Variants in ARSB observed in about 807,000 individuals in gnomAD.
ARSB encodes the protein N-acetylgalactosamine-4-sulfatase.
A neutral mutation model predicts 50.9 loss-of-function variants in ARSB; 41 were observed. The ratio of observed to expected loss-of-function variants is 0.81; its 90% CI spans 0.63 to 1.04. The LOEUF (loss-of-function observed/expected upper bound fraction) is 1.04, where lower values mean the gene tolerates loss of function less well. Ranked by LOEUF, ARSB falls within the 50% of genes least tolerant of loss-of-function variation. The probability of loss-of-function intolerance (pLI) is 0.00; values close to 1 mark genes in which losing one functional copy is unlikely to be tolerated. For missense variants in ARSB, 672 were observed against 693.3 expected, an observed-to-expected ratio of 0.97 and a Z score of 0.35; for synonymous variants, 269 against 284.8, an observed-to-expected ratio of 0.94 and a Z score of 0.56.
chr5:78,927,254 G>A (rs1750097795), intron 4 of ARSB, among the ~76,000 whole-genome samples: 1 of 152,028 alleles, frequency 6.6e-6, no homozygotes, highest in African/African-American at 2.4e-5. Context: ...AAATTATGGA[G>A]GTATTATTTT....
chr5:78,870,851 A>G (rs999583063), intron 5 of ARSB, among the ~76,000 whole-genome samples: 11 of 152,128 alleles, frequency 7.2e-5, no homozygotes, highest in African/African-American at 2.7e-4. Context: ...AGGGTATTCA[A>G]TTAGGAAAAG....
intron 6 of ARSB, chr5:78,815,898 G>C: frequency 6.9e-7 from 1 of 1,451,118 alleles, no homozygotes; most frequent in South Asian, 1.4e-5. Context: ...ATCTAAGTAA[G>C]ACAGCCTCCT....
At chr5:78,820,419 G>A (rs1310704619) in intron 6 of ARSB, among the ~76,000 whole-genome samples, 1 of 152,064 alleles carries the variant, frequency 6.6e-6, no homozygotes, top group South Asian at 2.1e-4. Flanking sequence ...AAATTAGCTG[G>A]GTGTGGTGGT....
chr5:78,901,588 T>C (rs1283230700), intron 4 of ARSB, among the ~76,000 whole-genome samples: 1 of 132,824 alleles, frequency 7.5e-6, no homozygotes, highest in Non-Finnish European at 1.7e-5. Flanking sequence ...TATTCTGATA[T>C]CTACGTTAAA....
chr5:78,943,263 G>A (rs2112443225), intron 4 of ARSB, among the ~76,000 whole-genome samples: 1 of 152,276 alleles, frequency 6.6e-6, no homozygotes, highest in Middle Eastern at 3.4e-3. Flanking sequence ...TTTAATTGGA[G>A]CATTTAGCCC....
chr5:78,787,375 TG>T (rs112099799), intron 6 of ARSB, among the ~76,000 whole-genome samples: 14,211 of 152,260 alleles, frequency 0.093, 720 homozygotes, highest in Middle Eastern at 0.2. Context: ...CCGCACTGGG[TG>T]TTTTCACTAT....
intron 4 of ARSB, among the ~76,000 whole-genome samples, chr5:78,895,273 T>C (rs1391480148): frequency 6.6e-6 from 1 of 152,200 alleles, no homozygotes; most frequent in African/African-American, 2.4e-5. Flanking sequence ...AGAAGAAAAG[T>C]ATAAATTGTA....
intron 5 of ARSB, among the ~76,000 whole-genome samples, chr5:78,853,865 G>T (rs766272245): frequency 3.4e-4 from 52 of 152,368 alleles, no homozygotes; most frequent in African/African-American, 5.3e-4. Flanking sequence ...CTCTGAGCCA[G>T]GTGCGGGATA....
chr5:78,915,006 C>A (rs556221042), intron 4 of ARSB, among the ~76,000 whole-genome samples: 63 of 152,300 alleles, frequency 4.1e-4, no homozygotes, highest in African/African-American at 1.5e-3. Context: ...TATTATTTTT[C>A]TAGTAATTTG....
chr5:78,984,204 C>T (rs1176089275), intron 1 of ARSB, among the ~76,000 whole-genome samples: 1 of 152,148 alleles, frequency 6.6e-6, no homozygotes, highest in Non-Finnish European at 1.5e-5. Flanking sequence ...TGCACTGTTT[C>T]AATAATTCAC....
chr5:78,962,921 G>A (rs1423666473), intron 3 of ARSB, among the ~76,000 whole-genome samples: 2 of 152,116 alleles, frequency 1.3e-5, no homozygotes, highest in East Asian at 1.9e-4. Context: ...AAACTGGAAG[G>A]GGAACCAGCA....
chr5:78,820,553 T>C (rs957768155), intron 6 of ARSB, among the ~76,000 whole-genome samples: 8 of 150,754 alleles, frequency 5.3e-5, no homozygotes, highest in Non-Finnish European at 1.5e-5. Flanking sequence ...AGAGCAAGAC[T>C]CCAACTCAAA....
At chr5:78,957,994 C>G (rs547674761) in intron 3 of ARSB, among the ~76,000 whole-genome samples, 1 of 146,084 alleles carries the variant, frequency 6.8e-6, no homozygotes, top group Non-Finnish European at 1.5e-5. Flanking sequence ...TCACATCGAT[C>G]TGTTTTTATA....
chr5:78,934,308 T>C (rs559549753), intron 4 of ARSB, among the ~76,000 whole-genome samples: 1 of 152,338 alleles, frequency 6.6e-6, no homozygotes, highest in East Asian at 1.9e-4. Context: ...CAAATATAGA[T>C]AAGCATTCTG....
chr5:78,944,862 C>A (rs62377864), intron 4 of ARSB, among the ~76,000 whole-genome samples: 10,072 of 152,284 alleles, frequency 0.066, 514 homozygotes, highest in Non-Finnish European at 0.09. Flanking sequence ...TTCAGCTATG[C>A]CCTGCCCCCA....
chr5:78,813,041 A>G (rs992241333), intron 6 of ARSB, among the ~76,000 whole-genome samples: 3 of 152,178 alleles, frequency 2.0e-5, no homozygotes, highest in Admixed American at 2.0e-4. Context: ...AATTATGTGT[A>G]CAGAGATGGA....
chr5:78,901,214 C>T (rs1008745618), intron 4 of ARSB, among the ~76,000 whole-genome samples: 7 of 152,120 alleles, frequency 4.6e-5, no homozygotes, highest in Non-Finnish European at 1.0e-4. Context: ...TTATCAGAAA[C>T]CTTAATTTGG....
chr5:78,921,486 A>C (rs1379033937), intron 4 of ARSB, among the ~76,000 whole-genome samples: 2 of 152,240 alleles, frequency 1.3e-5, no homozygotes, highest in African/African-American at 2.4e-5. Context: ...ATTGATTATA[A>C]ACTGAAATAA....
chr5:78,853,715 G>C (rs1165533133), intron 5 of ARSB, among the ~76,000 whole-genome samples: 1 of 152,266 alleles, frequency 6.6e-6, no homozygotes, highest in Non-Finnish European at 1.5e-5. Context: ...GCTCCACCAA[G>C]TTTGAGCTTC....
Sources: allele counts gnomAD v4.1 joint callset (sites outside exome capture counted in the v4.1 genomes callset), GRCh38; gene constraint gnomAD v4.1.1; transcripts MANE v1.5; gene names NCBI Gene and HGNC (gene_info 2026-07-23, HGNC 2026-07-21).